The following GNPDA2 variants were observed in gnomAD, a reference collection of about 807,000 sequenced individuals.
GNPDA2 encodes glcN6P deaminase 2.
Under a neutral mutation model 27.0 loss-of-function variants are expected in GNPDA2, and 24 were observed. The ratio of observed to expected loss-of-function variants is 0.89; its 90% CI spans 0.64 to 1.25. The LOEUF (loss-of-function observed/expected upper bound fraction) is 1.25, where lower values mean the gene tolerates loss of function less well. GNPDA2 is among the 50% of genes most tolerant of loss of function. The pLI is 0.00. For synonymous variants in GNPDA2, 94 were observed against 108.4 expected, an observed-to-expected ratio of 0.87 and a Z score of 0.83; for missense variants, 286 against 335.1, an observed-to-expected ratio of 0.85 and a Z score of 1.14.
chr4:44,705,300 T>G (rs1716522792), intron 6 of GNPDA2: 3 of 984,052 alleles, frequency 3.0e-6, no homozygotes, highest in Non-Finnish European at 3.6e-6. Context: ...GAATATTCAA[T>G]TTCTCTACCC....
chr4:44,703,900 CA>C, intron 6 of GNPDA2: 1 of 984,914 alleles, frequency 1.0e-6, no homozygotes, highest in Non-Finnish European at 1.2e-6. Flanking sequence ...GTTAATGAAC[CA>C]GAGATTTTAT....
intron 2 of GNPDA2, among the ~76,000 whole-genome samples, chr4:44,721,700 C>T (rs1717678939): frequency 6.6e-6 from 1 of 151,776 alleles, no homozygotes; most frequent in Non-Finnish European, 1.5e-5. Context: ...AATTAAGAGG[C>T]AACAGTACAT....
intron 2 of GNPDA2, among the ~76,000 whole-genome samples, chr4:44,719,505 G>A (rs530191592): frequency 1.6e-4 from 25 of 151,988 alleles, no homozygotes; most frequent in Middle Eastern, 3.2e-3. Context: ...AAGCACATAT[G>A]TTGTTTTCAA....
intron 1 of GNPDA2, among the ~76,000 whole-genome samples, chr4:44,724,996 A>T (rs1717923151): frequency 6.6e-6 from 1 of 152,226 alleles, no homozygotes. Flanking sequence ...ATTTACTTCT[A>T]ACAAGAATAT....
chr4:44,715,447 A>G (rs1410596477), intron 4 of GNPDA2, among the ~76,000 whole-genome samples: 1 of 152,116 alleles, frequency 6.6e-6, no homozygotes, highest in Non-Finnish European at 1.5e-5. Context: ...AACAACTAAG[A>G]GCCTTTTTTT....
Position 44,702,802 on chromosome 4 carries a change from T to C in GNPDA2, c.*279A>G. Reference sequence around the variant, plus strand: ...GACACTCTACCTTTAAAATGACTTTTTAAACAGGCAGACATTTCTATGCTG... The same window carrying C: ...GACACTCTACCTTTAAAATGACTTTCTAAACAGGCAGACATTTCTATGCTG... On this transcript the variant is annotated 3_prime_UTR_variant, in exon 7 of 7. Transcript: ENST00000295448. 1 of 1,244,670 alleles carries C rather than the reference T, an allele frequency of 8.0e-7. No individual in the cohort carries two copies. Among genetic ancestry groups the C allele is most frequent in the Non-Finnish European group, 1.0e-6 (1 of 994,572 alleles). The allele number at this position is 1,244,670 out of a possible 1,614,324, so 77.1% of individuals were successfully genotyped here. A position where few individuals can be genotyped will look rare whatever the true frequency, so the allele number is the denominator to read the frequency against.
chr4:44,704,445 A>G lies in GNPDA2; in HGVS notation c.770-1303T>C, dbSNP rs1319966382. ...ACACAGAGCTTTAAAATACATGCAA[A>G]TTAAAATATCAGTAAATATTAAAAA... On this transcript the variant is annotated intron_variant, in intron 6 of 6. Coordinates refer to ENST00000295448, the MANE Select transcript of GNPDA2 (RefSeq NM_138335.3). 5.7e-6 allele frequency: 5 copies of G among 877,326 alleles called. No homozygotes were observed. The African/African-American group carries it at 9.1e-5, about 16-fold the overall frequency. 54.3% of individuals were successfully genotyped at this position (877,326 alleles called of 1,614,324 possible).
In GNPDA2 at chr4:44,711,147, G is replaced by T; in HGVS notation, c.410-10C>A. The T allele has an allele frequency of 6.4e-7, 1 of 1,552,634 alleles. No homozygotes were observed. The highest frequency in any genetic ancestry group is 8.7e-7 in the Non-Finnish European group (1 of 1,151,206). On this transcript the variant is annotated splice_polypyrimidine_tract_variant and intron_variant, in intron 4 of 6. Transcript: ENST00000295448. ...CCATCTGGACCAATTCCTTTCAAAA[G>T]AAATATACATACATATACACATGAA...
Position 44,707,896 on chromosome 4 carries a change from C to A in GNPDA2, c.625G>T (p.Ala209Ser). The A allele has an allele frequency of 6.2e-7, 1 of 1,606,418 alleles. No homozygotes were observed. Among genetic ancestry groups the A allele is most frequent in the Non-Finnish European group, 8.5e-7 (1 of 1,175,520 alleles). ...TCTATTGCTTTGTACAGGGCAAATG[C>A]CTTGTGTGCCCCTGTTATAAGGATC... Reference protein sequence around the residue: ...VMILITGAHKAFALYKAIEEG... With the variant: ...VMILITGAHKSFALYKAIEEG... The change falls in exon 6 of 7, where the codon GCA becomes TCA. Residue 209 changes from alanine to serine, a missense_variant. Ala to Ser is a moderately conservative substitution (Grantham distance 99). Coordinates refer to ENST00000295448, the MANE Select transcript of GNPDA2 (RefSeq NM_138335.3).
Position 44,722,077 on chromosome 4 carries a change from T to G in GNPDA2, c.124+7A>C. On this transcript the variant is annotated splice_region_variant and intron_variant, in intron 2 of 6. Coordinates refer to ENST00000295448, the MANE Select transcript of GNPDA2 (RefSeq NM_138335.3). ...CAGAATATAAAATGGAAAAAGTAGT[T>G]AATTACCTGTTGGTAAACCCAGTGT... is the stretch of plus-strand genomic sequence containing the variant. The G allele has an allele frequency of 1.3e-6, 2 of 1,592,892 alleles. No individual in the cohort carries two copies. Among genetic ancestry groups the G allele is most frequent in the Non-Finnish European group, 1.7e-6 (2 of 1,165,130 alleles).
At chr4:44,703,980 C>G (rs981765427) in intron 6 of GNPDA2, 1 of 984,922 alleles carries the variant, frequency 1.0e-6, no homozygotes, top group African/African-American at 1.7e-5. Context: ...GGGAAAGGCA[C>G]TTAATGCGGT....
chr4:44,717,340 C>G, intron 3 of GNPDA2, 45 bp from the exon 4 acceptor site: 2 of 1,086,962 alleles, frequency 1.8e-6, no homozygotes, highest in East Asian at 2.7e-5. Context: ...TGAAATAAAT[C>G]TAAAGTTTAT....
intron 5 of GNPDA2, 21 bp from the exon 6 acceptor site, chr4:44,707,947 A>G (rs1716714862): frequency 6.5e-6 from 10 of 1,531,392 alleles, no homozygotes; most frequent in Middle Eastern, 1.7e-4. Flanking sequence ...ATGAACATCA[A>G]TTGTTAAAAC....
intron 2 of GNPDA2, among the ~76,000 whole-genome samples, chr4:44,721,781 T>C (rs1262565055): frequency 6.6e-6 from 1 of 152,046 alleles, no homozygotes; most frequent in Admixed American, 6.6e-5. Context: ...GTAAAAGCAA[T>C]GTTCCCCAAA....
rs2109684953 is a variant in GNPDA2 at position 44,702,207 on chromosome 4, T to C, written c.*874A>G. 1.3e-6 allele frequency: 1 copy of C among 774,578 alleles called. No homozygotes were observed. The highest frequency in any genetic ancestry group is 5.9e-5 in the South Asian group (1 of 17,060). The allele number at this position is 774,578 out of a possible 1,614,324, so 48.0% of individuals were successfully genotyped here. A position where few individuals can be genotyped will look rare whatever the true frequency, so the allele number is the denominator to read the frequency against. ...AAAGATAAAAAACAATATACTTTTA[T>C]GTAAATTGCTATGGCAATGTAGTTT... is the stretch of plus-strand genomic sequence containing the variant. On this transcript the variant is annotated 3_prime_UTR_variant, in exon 7 of 7. Coordinates refer to ENST00000295448, the MANE Select transcript of GNPDA2 (RefSeq NM_138335.3).
rs771978401 is a variant in GNPDA2 at position 44,710,525 on chromosome 4, A to T, written c.594+428T>A. Among the ~76,000 whole-genome samples the T allele has an allele frequency of 2.2e-4, 34 of 152,214 alleles. 1 individual carries two copies. The highest frequency in any genetic ancestry group is 2.9e-4 in the Non-Finnish European group (20 of 68,036). ...CTGAGTTCCTTTTCTGCTGGAAACC[A>T]ACAGGGCTCTATCATCCTACATAAC... On this transcript the variant is annotated intron_variant, in intron 5 of 6. Coordinates refer to ENST00000295448, the MANE Select transcript of GNPDA2 (RefSeq NM_138335.3).
chr4:44,720,471 C>T (rs1318395179), intron 2 of GNPDA2, among the ~76,000 whole-genome samples: 4 of 151,970 alleles, frequency 2.6e-5, no homozygotes, highest in African/African-American at 2.4e-5. Flanking sequence ...TATGCCTAGC[C>T]CAGTTCTGTG....
At chr4:44,708,052 T>TA (rs1716723264) in intron 5 of GNPDA2, 126 bp from the exon 6 acceptor site, 1 of 570,938 alleles carries the variant, frequency 1.8e-6, no homozygotes, top group Non-Finnish European at 3.0e-6. Context: ...TAGCTCCACA[T>TA]AATAGTTCAA....
At chr4:44,703,254 T>C (rs1577577841) in intron 6 of GNPDA2, 112 bp from the exon 7 acceptor site, 1 of 1,439,968 alleles carries the variant, frequency 6.9e-7, no homozygotes, top group Non-Finnish European at 9.1e-7. Context: ...TTAGTTCCCA[T>C]CTTGATATAG....
Sources: gnomAD v4.1 joint callset for allele counts (sites outside exome capture counted in the v4.1 genomes callset) on GRCh38, gnomAD v4.1.1 for gene constraint, MANE v1.5 for transcripts, NCBI Gene and HGNC (gene_info 2026-07-23, HGNC 2026-07-21) for gene names.